EPB41: variants seen among roughly 807,000 people sequenced by gnomAD.
EPB41 encodes erythrocyte membrane protein band 4.1.
A neutral mutation model predicts 108.0 loss-of-function variants in EPB41; 65 were observed. That is an observed-to-expected ratio of 0.60 (90% CI 0.49 to 0.74). The LOEUF is 0.74. Among genes scored for constraint, EPB41 ranks in the 30% least tolerant of loss-of-function variants. The probability of loss-of-function intolerance (pLI) is 0.00; values close to 1 mark genes in which losing one functional copy is unlikely to be tolerated. For synonymous variants in EPB41, 336 were observed against 358.9 expected, an observed-to-expected ratio of 0.94 and a Z score of 0.72; for missense variants, 875 against 1,037.0, an observed-to-expected ratio of 0.84 and a Z score of 2.15.
At chr1:28,939,970 C>T (rs948068481) in intron 1 of EPB41, among the ~76,000 whole-genome samples, 8 of 152,114 alleles carry the variant, frequency 5.3e-5, no homozygotes, top group Admixed American at 3.3e-4. Context: ...TTTCATGTGG[C>T]GTAAGTTAAC....
At chr1:29,015,843 A>G in intron 6 of EPB41, 76 bp downstream of exon 6, 1 of 968,908 alleles carries the variant, frequency 1.0e-6, no homozygotes, top group Non-Finnish European at 1.6e-6. Flanking sequence ...TTACCACCAT[A>G]AGCTCTGCTA....
intron 5 of EPB41, among the ~76,000 whole-genome samples, chr1:29,014,430 A>G (rs2096550589): frequency 6.6e-6 from 1 of 152,178 alleles, no homozygotes; most frequent in African/African-American, 2.4e-5. Context: ...AAAAAGATAC[A>G]TATGAGTATA....
intron 1 of EPB41, among the ~76,000 whole-genome samples, chr1:28,983,632 T>C (rs891002628): frequency 2.0e-5 from 3 of 152,166 alleles, no homozygotes; most frequent in Non-Finnish European, 2.9e-5. Flanking sequence ...AGGTGGGAAC[T>C]GGAGTGCACA....
intron 1 of EPB41, among the ~76,000 whole-genome samples, chr1:28,958,847 A>G (rs2095074295): frequency 6.6e-6 from 1 of 151,778 alleles, no homozygotes; most frequent in East Asian, 1.9e-4. Flanking sequence ...AAAAGAAAGA[A>G]AAAAGAGAAT....
intron 10 of EPB41, among the ~76,000 whole-genome samples, chr1:29,036,489 G>A (rs1639508233): frequency 6.6e-6 from 1 of 151,964 alleles, no homozygotes; most frequent in African/African-American, 2.4e-5. Flanking sequence ...TCAAACTCCT[G>A]ACCTCAGGTG....
At chr1:29,040,558 G>A (rs1641105478) in intron 11 of EPB41, among the ~76,000 whole-genome samples, 1 of 152,020 alleles carries the variant, frequency 6.6e-6, no homozygotes, top group Admixed American at 6.6e-5. Context: ...TGAGATTATG[G>A]GTGTGATCCA....
intron 1 of EPB41, among the ~76,000 whole-genome samples, chr1:28,931,653 C>T (rs1369006373): frequency 6.6e-6 from 1 of 151,102 alleles, no homozygotes; most frequent in Non-Finnish European, 1.5e-5. Flanking sequence ...CTCAGCCTCC[C>T]GAGTAGCTGG....
chr1:28,951,255 G>A (rs2094707063), intron 1 of EPB41, among the ~76,000 whole-genome samples: 1 of 151,844 alleles, frequency 6.6e-6, no homozygotes, highest in African/African-American at 2.4e-5. Flanking sequence ...GCTGACTTCT[G>A]CTGGGTTCAG....
Position 29,065,065 on chromosome 1 carries a change from A to G in EPB41, c.2091A>G (p.Pro697=). The G allele has an allele frequency of 3.1e-6, 5 of 1,614,252 alleles. No homozygotes were observed. Among genetic ancestry groups the G allele is most frequent in the Non-Finnish European group, 4.2e-6 (5 of 1,180,050 alleles). Residue 697 remains proline (P), a synonymous_variant, in exon 16 of 21, where the codon CCA becomes CCG. Coordinates refer to ENST00000343067, the MANE Select transcript of EPB41 (RefSeq NM_001376013.1). Reference sequence around the variant, plus strand: ...AAAAGAACTTCATGGAGTCTGTACCAGAACCACGGCCTAGTGAATGGGATA... The same window carrying G: ...AAAAGAACTTCATGGAGTCTGTACCGGAACCACGGCCTAGTGAATGGGATA... ...ELKKNFMESV[P]EPRPSEWDKR...
chr1:29,106,564 A>AATTTTTTTTTTTTTTTTTTTTT (rs1233211329), intron 17 of EPB41, among the ~76,000 whole-genome samples: 1 of 50,882 alleles, frequency 2.0e-5, no homozygotes, highest in Non-Finnish European at 3.3e-5. Context: ...AGTAGCTGGG[A>AATTTTTTTTTTTTTTTTTTTTT]TTTTTTTTTT....
chr1:29,021,440 C>T (rs1163975256), intron 7 of EPB41, among the ~76,000 whole-genome samples: 2 of 152,084 alleles, frequency 1.3e-5, no homozygotes, highest in Non-Finnish European at 2.9e-5. Flanking sequence ...TTTATTAAGT[C>T]TTGAATACAT....
intron 1 of EPB41, among the ~76,000 whole-genome samples, chr1:28,917,256 GTGTGTGTGTGTA>G (rs2092746816): frequency 6.6e-6 from 1 of 151,680 alleles, no homozygotes; most frequent in South Asian, 2.1e-4. Flanking sequence ...CTCTGTGTGT[GTGTGTGTGTGTA>G]TGTGTGTGTG....
At chr1:28,993,270 T>A in intron 2 of EPB41, 60 bp from the exon 3 acceptor site, 2 of 1,334,976 alleles carry the variant, frequency 1.5e-6, no homozygotes, top group Non-Finnish European at 2.2e-6. Context: ...GGTAAAAGCA[T>A]ATACAGCATG....
chr1:28,909,129 T>C (rs895329983), intron 1 of EPB41, among the ~76,000 whole-genome samples: 1 of 142,004 alleles, frequency 7.0e-6, no homozygotes, highest in Non-Finnish European at 1.5e-5. Flanking sequence ...ATTGCACTCA[T>C]CCTGGGCTAT....
intron 7 of EPB41, among the ~76,000 whole-genome samples, chr1:29,020,757 A>T (rs75977604): frequency 0.011 from 1,652 of 152,136 alleles, 20 homozygotes; most frequent in African/African-American, 0.038. Context: ...TCCTAGGTTC[A>T]AGTGATCGTC....
intron 1 of EPB41, among the ~76,000 whole-genome samples, chr1:28,918,101 G>C (rs1206765310): frequency 2.0e-5 from 3 of 152,132 alleles, no homozygotes; most frequent in African/African-American, 4.8e-5. Flanking sequence ...CTGTTTCCTT[G>C]TTATCTAAGA....
intron 16 of EPB41, among the ~76,000 whole-genome samples, chr1:29,075,711 T>C (rs1653767002): frequency 6.6e-6 from 1 of 152,192 alleles, no homozygotes; most frequent in Admixed American, 6.5e-5. Context: ...CCTATCTCAA[T>C]AAAACACATA....
At chr1:29,015,611 A>G in intron 5 of EPB41, 81 bp from the exon 6 acceptor site, 1 of 884,314 alleles carries the variant, frequency 1.1e-6, no homozygotes, top group Non-Finnish European at 1.8e-6. Flanking sequence ...GAAAAAGAGA[A>G]ATGTTTGAAT....
intron 2 of EPB41, among the ~76,000 whole-genome samples, chr1:28,988,932 A>G (rs946466645): frequency 6.6e-6 from 1 of 152,232 alleles, no homozygotes; most frequent in Non-Finnish European, 1.5e-5. Context: ...TCATTTTATT[A>G]TAATAATGGA....
Sources: gnomAD v4.1 joint callset for allele counts (sites outside exome capture counted in the v4.1 genomes callset) on GRCh38, gnomAD v4.1.1 for gene constraint, MANE v1.5 for transcripts, NCBI Gene and HGNC (gene_info 2026-07-23, HGNC 2026-07-21) for gene names.